The following CCAR1 variants were observed in gnomAD, a reference collection of about 807,000 sequenced individuals.
CCAR1 encodes the protein cell division cycle and apoptosis regulator protein 1.
In CCAR1, 78 loss-of-function variants were observed where a neutral mutation model predicts 163.8. The observed-to-expected ratio is 0.48, with a 90% confidence interval of 0.40 to 0.57. CCAR1 has a LOEUF of 0.57. Among genes scored for constraint, CCAR1 ranks in the 20% least tolerant of loss-of-function variants. The pLI, the probability that CCAR1 is intolerant of heterozygous loss-of-function variation, is 0.00. For synonymous variants in CCAR1, 443 were observed against 460.7 expected (o/e 0.96, Z 0.49); for missense variants, 1,019 against 1,365.2 (o/e 0.75, Z 4.00).
intron 16 of CCAR1, 36 bp from the exon 17 acceptor site, chr10:68,765,852 C>G (rs886416862): frequency 2.0e-6 from 3 of 1,475,222 alleles, no homozygotes; most frequent in African/African-American, 1.4e-5. Flanking sequence ...ATCCTACTTG[C>G]AGATTTAACC....
intron 2 of CCAR1, among the ~76,000 whole-genome samples, chr10:68,724,798 A>G (rs886137943): frequency 1.2e-4 from 18 of 152,164 alleles, no homozygotes; most frequent in African/African-American, 4.1e-4. Flanking sequence ...AGAAAAAGAA[A>G]GAAAACCAAC....
At chr10:68,749,027 C>T (rs763429867) in intron 8 of CCAR1, 109 bp from the exon 9 acceptor site, 3 of 1,338,108 alleles carry the variant, frequency 2.2e-6, no homozygotes, top group Non-Finnish European at 3.1e-6. Context: ...TTTGAAAAAA[C>T]AATTTTAGTC....
At chr10:68,784,404 G>T (rs921985170) in intron 19 of CCAR1, among the ~76,000 whole-genome samples, 1 of 151,942 alleles carries the variant, frequency 6.6e-6, no homozygotes, top group East Asian at 1.9e-4. Context: ...TTAGAGATGG[G>T]GTTTCACCAT....
intron 18 of CCAR1, among the ~76,000 whole-genome samples, chr10:68,772,763 A>C (rs2056618655): frequency 6.7e-6 from 1 of 149,728 alleles, no homozygotes; most frequent in Non-Finnish European, 1.5e-5. Context: ...ATCTCAAAAA[A>C]AAAAAAACCA....
At chr10:68,727,292 G>T (rs1238580666) in intron 2 of CCAR1, among the ~76,000 whole-genome samples, 1 of 151,886 alleles carries the variant, frequency 6.6e-6, no homozygotes, top group Non-Finnish European at 1.5e-5. Context: ...GCCCAGGCTG[G>T]TCTTGAATTC....
At chr10:68,726,178 GTCTCGC>G (rs1275056079) in intron 2 of CCAR1, among the ~76,000 whole-genome samples, 1 of 141,588 alleles carries the variant, frequency 7.1e-6, no homozygotes, top group African/African-American at 2.6e-5. Flanking sequence ...TTGAGATTGA[GTCTCGC>G]TCTGTTGCCC....
In CCAR1 at chr10:68,771,265, A is replaced by G. The variant is rs2056598875; in HGVS notation, c.2358A>G (p.Ile786Met). The change falls in exon 18 of 25, where the codon ATA becomes ATG. Residue 786 changes from isoleucine (I) to methionine (M), a missense_variant. Transcript: ENST00000265872. ...EMLQRDFGVR[I>M]YKSLLSLPEK... is the part of the protein sequence containing the mutation. ...TTCAAAGAGATTTTGGTGTCCGTAT[A>G]TACAAATCATTACTGTCTCTTCCTG... 1 of 1,605,708 alleles carries G rather than the reference A, an allele frequency of 6.2e-7. No individual in the cohort carries two copies. Among genetic ancestry groups the G allele is most frequent in the Non-Finnish European group, 8.5e-7 (1 of 1,176,760 alleles).
At chr10:68,758,645 G>A (rs1385565833) in intron 15 of CCAR1, among the ~76,000 whole-genome samples, 1 of 95,132 alleles carries the variant, frequency 1.1e-5, no homozygotes, top group Non-Finnish European at 2.1e-5. Flanking sequence ...ATATACACAC[G>A]TGTATATATA....
intron 2 of CCAR1, among the ~76,000 whole-genome samples, chr10:68,735,975 C>T (rs185919422): frequency 6.6e-6 from 1 of 152,198 alleles, no homozygotes; most frequent in African/African-American, 2.4e-5. Flanking sequence ...GCCTCAGCCT[C>T]CTGAGTTGCT....
chr10:68,775,886 G>C (rs765341093), intron 19 of CCAR1, among the ~76,000 whole-genome samples: 1 of 151,776 alleles, frequency 6.6e-6, no homozygotes, highest in African/African-American at 2.4e-5. Flanking sequence ...TGGTAGAGAC[G>C]GAGTTTTACC....
At chr10:68,758,647 GTATATA>G (rs145079985) in intron 15 of CCAR1, among the ~76,000 whole-genome samples, 1 of 124,392 alleles carries the variant, frequency 8.0e-6, no homozygotes, top group African/African-American at 3.0e-5. Flanking sequence ...ATACACACGT[GTATATA>G]TATATATATG....
chr10:68,726,430 C>T (rs1589151218), intron 2 of CCAR1, among the ~76,000 whole-genome samples: 4 of 151,946 alleles, frequency 2.6e-5, no homozygotes, highest in Admixed American at 2.6e-4. Flanking sequence ...GGATTACAGG[C>T]GTGAGCCACT....
rs200264369 is a variant in CCAR1 at position 68,774,012 on chromosome 10, C to T, written c.2650+913C>T. Among the ~76,000 whole-genome samples, 14 of 152,184 alleles carry T rather than the reference C, an allele frequency of 9.2e-5. No homozygotes were observed. The East Asian group carries it at 2.5e-3, about 28-fold the overall frequency. ...GGTTCAAGCGATTCTCCTGCCTCAG[C>T]CTCCCAAGTAGCTGGGATTACAGGC... On this transcript the variant is annotated intron_variant, in intron 19 of 24. Coordinates refer to ENST00000265872, the MANE Select transcript of CCAR1 (RefSeq NM_018237.4).
chr10:68,765,263 T>G (rs1406941785), intron 16 of CCAR1, among the ~76,000 whole-genome samples: 1 of 152,174 alleles, frequency 6.6e-6, no homozygotes, highest in East Asian at 1.9e-4. Context: ...CCTCTTCAGA[T>G]CTTAAAATAA....
At chr10:68,750,805 ATAT>A (rs2056321230) in intron 10 of CCAR1, among the ~76,000 whole-genome samples, 1 of 152,158 alleles carries the variant, frequency 6.6e-6, no homozygotes, top group Non-Finnish European at 1.5e-5. Context: ...GCCTAAGAGG[ATAT>A]TATTATGTTT....
At chr10:68,733,073 TTTCTCCC>T (rs1281442084) in intron 2 of CCAR1, among the ~76,000 whole-genome samples, 9 of 152,194 alleles carry the variant, frequency 5.9e-5, no homozygotes, top group Non-Finnish European at 1.3e-4. Context: ...TGTTTTATCC[TTTCTCCC>T]TACCTATGAC....
Position 68,756,589 on chromosome 10 carries a change from A to G in CCAR1, c.1836+106A>G. On this transcript the variant is annotated intron_variant, in intron 14 of 24. Coordinates refer to ENST00000265872, the MANE Select transcript of CCAR1 (RefSeq NM_018237.4). This position sits in a 1 kb window ranked among gnomAD's most constrained non-coding sequence, Gnocchi z 5.1. ...ATAATAAACACACATGGAGGAACAT[A>G]ACTGGTAACAGCGACTGGTAATCCA... 1 of 882,490 alleles carries G rather than the reference A, an allele frequency of 1.1e-6. No homozygotes were observed. Among genetic ancestry groups the G allele is most frequent in the Middle Eastern group, 2.1e-4 (1 of 4,746 alleles). 54.7% of individuals were successfully genotyped at this position (882,490 alleles called of 1,614,324 possible).
Position 68,755,254 on chromosome 10 carries a change from A to G in CCAR1, c.1459-116A>G, listed in dbSNP as rs750190652. On this transcript the variant is annotated intron_variant, in intron 12 of 24. Coordinates refer to ENST00000265872, the MANE Select transcript of CCAR1 (RefSeq NM_018237.4). ...AACTGAACTCTTCCTTGACTGACAG[A>G]TACCAGAGGTAGTAAAAATGATATT... 7 of 919,178 alleles carry G rather than the reference A, an allele frequency of 7.6e-6. No homozygotes were observed. The African/African-American group carries it at 9.7e-5, about 13-fold the overall frequency. 56.9% of individuals were successfully genotyped at this position (919,178 alleles called of 1,614,324 possible).
chr10:68,735,730 A>G (rs1216789923), intron 2 of CCAR1: 1 of 152,208 alleles, frequency 6.6e-6, no homozygotes, highest in African/African-American at 2.4e-5. Flanking sequence ...CAAAGACTAG[A>G]CAAGCATTGT....
Sources: allele counts gnomAD v4.1 joint callset (sites outside exome capture counted in the v4.1 genomes callset), GRCh38; gene constraint gnomAD v4.1.1; non-coding constraint Gnocchi (gnomAD v3.1); transcripts MANE v1.5; gene names NCBI Gene and HGNC (gene_info 2026-07-23, HGNC 2026-07-21).